Variants in DNAH14 observed in about 807,000 individuals in gnomAD.
The protein encoded by DNAH14 is axonemal beta dynein heavy chain 14.
A neutral mutation model predicts 520.9 loss-of-function variants in DNAH14; 478 were observed. That is an observed-to-expected ratio of 0.92 (90% confidence interval 0.85 to 0.99). The LOEUF (loss-of-function observed/expected upper bound fraction) is 0.99, where lower values mean the gene tolerates loss of function less well. Among genes scored for constraint, DNAH14 ranks in the 50% least tolerant of loss-of-function variants. The pLI is 0.00. For missense variants in DNAH14, 4,831 were observed against 5,234.5 expected (o/e 0.92, Z 2.38); for synonymous variants, 1,581 against 1,757.2 (o/e 0.90, Z 2.51).
intron 6 of DNAH14, chr1:224,967,865 A>G: frequency 7.7e-7 from 1 of 1,295,648 alleles, no homozygotes; most frequent in Non-Finnish European, 9.8e-7. Context: ...ACTACAAAAC[A>G]AGCATTTGCT....
chr1:225,127,243 G>C (rs1220067534), intron 27 of DNAH14, among the ~76,000 whole-genome samples: 4 of 152,156 alleles, frequency 2.6e-5, no homozygotes, highest in Non-Finnish European at 2.9e-5. Flanking sequence ...GCAGAGCTGA[G>C]TTCAATTCCT....
At chr1:225,090,493 A>G (rs1177949428) in intron 21 of DNAH14, among the ~76,000 whole-genome samples, 2 of 152,186 alleles carry the variant, frequency 1.3e-5, no homozygotes, top group Non-Finnish European at 2.9e-5. Context: ...GGCTCATTAT[A>G]AGGCCACAGT....
intron 17 of DNAH14, among the ~76,000 whole-genome samples, chr1:225,061,115 G>T (rs1222607655): frequency 6.6e-6 from 1 of 152,216 alleles, no homozygotes; most frequent in Non-Finnish European, 1.5e-5. Flanking sequence ...CCCAGAGGTG[G>T]AGTCTACAGA....
At chr1:225,347,830 C>G (rs2095309649) in intron 71 of DNAH14, among the ~76,000 whole-genome samples, 1 of 152,022 alleles carries the variant, frequency 6.6e-6, no homozygotes. Flanking sequence ...GGGGAAATGG[C>G]CCAATCAGAG....
At chr1:224,976,040 G>C (rs2061813575) in intron 8 of DNAH14, among the ~76,000 whole-genome samples, 1 of 151,704 alleles carries the variant, frequency 6.6e-6, no homozygotes, top group Non-Finnish European at 1.5e-5. Flanking sequence ...GCGGTTTTGA[G>C]TGAGTTTCTT....
At chr1:225,361,789 G>A (rs1190381334) in intron 75 of DNAH14, among the ~76,000 whole-genome samples, 1 of 152,212 alleles carries the variant, frequency 6.6e-6, no homozygotes, top group African/African-American at 2.4e-5. Context: ...GGGAGCCAAG[G>A]CAAGATAACT....
At chr1:225,117,084 A>G (rs989155342) in intron 23 of DNAH14, among the ~76,000 whole-genome samples, 1 of 152,146 alleles carries the variant, frequency 6.6e-6, no homozygotes. Context: ...AGAGTAATAA[A>G]TAAATCAAGA....
At chr1:225,257,480 T>C (rs2092777999) in intron 44 of DNAH14, among the ~76,000 whole-genome samples, 1 of 152,220 alleles carries the variant, frequency 6.6e-6, no homozygotes, top group South Asian at 2.1e-4. Flanking sequence ...TACATTTTCC[T>C]GAAACAAATC....
At chr1:225,343,366 T>C (rs900726810) in intron 69 of DNAH14, among the ~76,000 whole-genome samples, 1 of 152,212 alleles carries the variant, frequency 6.6e-6, no homozygotes, top group African/African-American at 2.4e-5. Flanking sequence ...AGACTTTACA[T>C]TTTGTTTAAA....
At chr1:225,241,448 T>C (rs1371810973) in intron 43 of DNAH14, among the ~76,000 whole-genome samples, 1 of 152,198 alleles carries the variant, frequency 6.6e-6, no homozygotes, top group East Asian at 1.9e-4. Flanking sequence ...ATACAAATCC[T>C]ACTGATTTGT....
chr1:225,082,807 T>A, intron 20 of DNAH14, 68 bp downstream of exon 20: 1 of 1,273,480 alleles, frequency 7.9e-7, no homozygotes, highest in Non-Finnish European at 1.1e-6. Context: ...AATAGGCGAG[T>A]AAATATACAA....
At chr1:225,343,602 A>G (rs568994812) in intron 69 of DNAH14, among the ~76,000 whole-genome samples, 2 of 152,260 alleles carry the variant, frequency 1.3e-5, no homozygotes, top group Non-Finnish European at 2.9e-5. Context: ...TATTAGAAAT[A>G]CAGGCAAATC....
At chr1:225,393,312 A>G (rs1316682475) in intron 84 of DNAH14, among the ~76,000 whole-genome samples, 1 of 152,192 alleles carries the variant, frequency 6.6e-6, no homozygotes, top group Non-Finnish European at 1.5e-5. Context: ...TGAGAAATGC[A>G]TCGTTAAGAG....
intron 78 of DNAH14, 24 bp from the exon 79 acceptor site, chr1:225,377,213 G>T (rs1196131350): frequency 1.5e-6 from 2 of 1,374,554 alleles, no homozygotes; most frequent in Non-Finnish European, 1.9e-6. Context: ...GAAGAAAAAA[G>T]CTAACAAAAT....
intron 74 of DNAH14, 31 bp from the exon 75 acceptor site, chr1:225,360,650 G>A: frequency 2.0e-6 from 3 of 1,527,664 alleles, no homozygotes; most frequent in African/African-American, 1.4e-5. Flanking sequence ...TGAGCTTACA[G>A]TTTTATATAC....
At chr1:224,936,734 C>T (rs1348829147) in intron 1 of DNAH14, among the ~76,000 whole-genome samples, 1 of 151,844 alleles carries the variant, frequency 6.6e-6, no homozygotes, top group Non-Finnish European at 1.5e-5. Context: ...CTGGCATTAA[C>T]TTGAAGCCCA....
At chr1:225,233,601 A>T (rs2091319471) in intron 42 of DNAH14, among the ~76,000 whole-genome samples, 1 of 151,814 alleles carries the variant, frequency 6.6e-6, no homozygotes, top group Admixed American at 6.6e-5. Context: ...ACTTTTAAGA[A>T]GTATCTGTTC....
At chr1:225,360,385 A>G (rs910302034) in intron 74 of DNAH14, among the ~76,000 whole-genome samples, 1 of 152,136 alleles carries the variant, frequency 6.6e-6, no homozygotes, top group Non-Finnish European at 1.5e-5. Flanking sequence ...TTAGCTGAGT[A>G]TACAGCCATC....
Position 225,303,328 on chromosome 1 carries a change from T to A in DNAH14, c.8804T>A (p.Val2935Asp), listed in dbSNP as rs751572138. Residue 2935 changes from valine (V) to aspartate (D), a missense_variant, in exon 57 of 86, where the codon GTC (valine) becomes GAC (aspartate). By Grantham distance (152) the Val-to-Asp change is radical (BLOSUM62 -3). Coordinates refer to ENST00000682510, the MANE Select transcript of DNAH14 (RefSeq NM_001367479.1). ...IVANSFLKEK[V>D]NFENRENLKE... ...GCTAACTCATTCTTAAAAGAAAAGG[T>A]CAATTTTGAGAACAGAGAGGTAAAT... is the stretch of plus-strand genomic sequence containing the variant. 2.0e-5 allele frequency: 31 copies of A among 1,544,982 alleles called. No individual in the cohort carries two copies.
Sources: allele counts gnomAD v4.1 joint callset (sites outside exome capture counted in the v4.1 genomes callset), GRCh38; gene constraint gnomAD v4.1.1; transcripts MANE v1.5; gene names NCBI Gene and HGNC (gene_info 2026-07-23, HGNC 2026-07-21).